Variants in FDXR observed in about 807,000 individuals in gnomAD.
The protein encoded by FDXR is ferredoxin reductase, also known as NADPH:adrenodoxin oxidoreductase, mitochondrial.
A neutral mutation model predicts 58.3 loss-of-function variants in FDXR; 38 were observed. That is an observed-to-expected ratio of 0.65 (90% confidence interval 0.50 to 0.85). The LOEUF (loss-of-function observed/expected upper bound fraction) is 0.85, where lower values mean the gene tolerates loss of function less well. Ranked by LOEUF, FDXR falls within the 40% of genes least tolerant of loss-of-function variation. The probability of loss-of-function intolerance (pLI) is 0.00; values close to 1 mark genes in which losing one functional copy is unlikely to be tolerated. For missense variants in FDXR, 624 were observed against 671.0 expected (o/e 0.93, Z 0.77); for synonymous variants, 275 against 273.8 (o/e 1.00, Z -0.04).
intron 2 of FDXR, among the ~76,000 whole-genome samples, chr17:74,871,594 A>G (rs1188568629): frequency 6.6e-6 from 1 of 152,192 alleles, no homozygotes; most frequent in Non-Finnish European, 1.5e-5. Flanking sequence ...ACAGAATGGC[A>G]CGGAGGACTG....
At chr17:74,864,986 T>C in intron 6 of FDXR, 55 bp from the exon 7 acceptor site, 1 of 1,613,172 alleles carries the variant, frequency 6.2e-7, no homozygotes, top group Non-Finnish European at 8.5e-7. Flanking sequence ...GAAAGGGGAC[T>C]CTCCATTTGG....
At position 74,864,316 on chromosome 17, in the gene FDXR, T is replaced by G. The variant is rs1330278109; in HGVS notation, c.834A>C (p.Glu278Asp). 1.3e-6 allele frequency: 2 copies of G among 1,580,876 alleles called. No homozygotes were observed. The highest frequency in any genetic ancestry group is 1.7e-6 in the Non-Finnish European group (2 of 1,160,972). ...EVPRPRKRLT[E>D]LLLRTATEKP... ...TCTCTGTGGCCGTTCGAAGCAGCAGTTCCGTCAGCCGCTTCCTCGGGCGGG... is the reference window on the plus strand; with the variant it reads ...TCTCTGTGGCCGTTCGAAGCAGCAGGTCCGTCAGCCGCTTCCTCGGGCGGG... The change falls in exon 9 of 12, where the codon GAA becomes GAC. Residue 278 changes from glutamate to aspartate, a missense_variant. By Grantham distance (45) the Glu-to-Asp change is conservative. Transcript: ENST00000293195.
At chr17:74,866,065 C>A in intron 5 of FDXR, 66 bp downstream of exon 5, 2 of 1,246,300 alleles carry the variant, frequency 1.6e-6, no homozygotes, top group Non-Finnish European at 1.2e-6. Context: ...CCTCTTCCCC[C>A]AGGTCTGGCA....
intron 2 of FDXR, chr17:74,868,499 A>C: frequency 2.3e-6 from 3 of 1,306,120 alleles, no homozygotes; most frequent in Non-Finnish European, 3.2e-6. Context: ...CCACAGCATA[A>C]AGTTCAAACT....
At chr17:74,863,803 T>C in intron 10 of FDXR, 93 bp downstream of exon 10, 1 of 1,465,156 alleles carries the variant, frequency 6.8e-7, no homozygotes, top group Non-Finnish European at 9.3e-7. Context: ...TCTCAGTACA[T>C]GTTGCTAGAT....
intron 2 of FDXR, chr17:74,868,612 A>T: frequency 6.5e-7 from 1 of 1,535,664 alleles, no homozygotes; most frequent in Non-Finnish European, 8.7e-7. Context: ...TGTCCTCTCC[A>T]GGGCCACCTC....
chr17:74,867,868 T>A (rs1337473216), intron 2 of FDXR, among the ~76,000 whole-genome samples: 2 of 152,090 alleles, frequency 1.3e-5, no homozygotes, highest in African/African-American at 4.8e-5. Flanking sequence ...CTCTCTCTCA[T>A]GGCTGCTGGA....
intron 10 of FDXR, 29 bp downstream of exon 10, chr17:74,863,867 C>A: frequency 6.3e-7 from 1 of 1,596,818 alleles, no homozygotes; most frequent in South Asian, 1.1e-5. Flanking sequence ...CACCATAATT[C>A]AGCACCCAGC....
At chr17:74,866,003 G>A in intron 5 of FDXR, 128 bp downstream of exon 5, 1 of 873,118 alleles carries the variant, frequency 1.1e-6, no homozygotes, top group Non-Finnish European at 1.8e-6. Context: ...TCCACAGCTG[G>A]CCTCCCGCCT....
intron 2 of FDXR, among the ~76,000 whole-genome samples, chr17:74,871,215 AG>A (rs2038365747): frequency 6.6e-6 from 1 of 152,194 alleles, no homozygotes; most frequent in South Asian, 2.1e-4. Flanking sequence ...GTCACTTTTC[AG>A]CAGAGTGATC....
At position 74,864,581 on chromosome 17, in the gene FDXR, G is replaced by A. The variant is rs747298107; in HGVS notation, c.718-17C>T. On this transcript the variant is annotated splice_polypyrimidine_tract_variant and intron_variant, in intron 7 of 11. Transcript: ENST00000293195. ...CCGAAGCTCCTTGAAGGTGGGAGCAGGGAATGGGGGAGGAGGTCAGGCCCA... is the reference window on the plus strand; with the variant it reads ...CCGAAGCTCCTTGAAGGTGGGAGCAAGGAATGGGGGAGGAGGTCAGGCCCA... 2.5e-6 allele frequency: 4 copies of A among 1,609,518 alleles called. No homozygotes were observed. The highest frequency in any genetic ancestry group is 3.4e-6 in the Non-Finnish European group (4 of 1,176,572).
intron 2 of FDXR, chr17:74,868,384 C>T (rs765480020): frequency 7.3e-4 from 496 of 682,106 alleles, no homozygotes; most frequent in Non-Finnish European, 1.2e-3. Flanking sequence ...TCAGGCAGCC[C>T]GGGGTGCAAC....
intron 1 of FDXR, chr17:74,872,584 C>T: frequency 2.9e-6 from 2 of 682,554 alleles, no homozygotes; most frequent in East Asian, 2.8e-5. Context: ...TCCTCTCGCC[C>T]CACAGACCTC....
Position 74,866,772 on chromosome 17 carries a change from A to G in FDXR, c.270+12T>C. Reference sequence around the variant, plus strand: ...TCTCCAAACCCCAGCCTCCAGGCCCAGAGACACCCACCTTCACCTCGGGGT... The same window carrying G: ...TCTCCAAACCCCAGCCTCCAGGCCCGGAGACACCCACCTTCACCTCGGGGT... On this transcript the variant is annotated intron_variant, in intron 3 of 11. Coordinates refer to ENST00000293195, the MANE Select transcript of FDXR (RefSeq NM_024417.5). The G allele has an allele frequency of 3.1e-6, 5 of 1,613,866 alleles. No individual in the cohort carries two copies. Among genetic ancestry groups the G allele is most frequent in the Non-Finnish European group, 4.2e-6 (5 of 1,179,864 alleles).
At chr17:74,872,725 A>T (rs1240201910) in intron 1 of FDXR, 141 bp downstream of exon 1, 7 of 1,512,826 alleles carry the variant, frequency 4.6e-6, no homozygotes, top group Non-Finnish European at 6.2e-6. Flanking sequence ...ACCCCCGTAC[A>T]CCACCGGGAT....
At chr17:74,868,665 G>A (rs2038274781) in intron 2 of FDXR, 5 of 1,534,732 alleles carry the variant, frequency 3.3e-6, no homozygotes, top group South Asian at 1.2e-5. Flanking sequence ...CTTATCTCTC[G>A]TGGCTGACCT....
chr17:74,864,582 G>A lies in FDXR; in HGVS notation c.718-18C>T, dbSNP rs1304392630. The stretch of plus-strand genomic sequence containing the variant: ...CGAAGCTCCTTGAAGGTGGGAGCAG[G>A]GAATGGGGGAGGAGGTCAGGCCCAG... On this transcript the variant is annotated intron_variant, in intron 7 of 11. Coordinates refer to ENST00000293195, the MANE Select transcript of FDXR (RefSeq NM_024417.5). The A allele has an allele frequency of 1.2e-6, 2 of 1,609,352 alleles. No individual in the cohort carries two copies. The highest frequency in any genetic ancestry group is 2.7e-5 in the African/African-American group (2 of 74,780).
chr17:74,869,759 GACC>G (rs1048528114), intron 2 of FDXR, among the ~76,000 whole-genome samples: 1 of 152,174 alleles, frequency 6.6e-6, no homozygotes, highest in African/African-American at 2.4e-5. Context: ...CGAGCACAGG[GACC>G]ACGTCTGTCC....
intron 2 of FDXR, among the ~76,000 whole-genome samples, chr17:74,870,732 C>G (rs896875671): frequency 6.6e-6 from 1 of 151,722 alleles, no homozygotes; most frequent in Non-Finnish European, 1.5e-5. Flanking sequence ...GATGACTCCC[C>G]ACATGTGGGA....
Sources: allele counts gnomAD v4.1 joint callset (sites outside exome capture counted in the v4.1 genomes callset), GRCh38; gene constraint gnomAD v4.1.1; transcripts MANE v1.5; gene names NCBI Gene and HGNC (gene_info 2026-07-23, HGNC 2026-07-21).